SBF2: variants seen among roughly 807,000 people sequenced by gnomAD.
SBF2 encodes the protein SET binding factor 2.
Under a neutral mutation model 225.2 loss-of-function variants are expected in SBF2, and 112 were observed. The observed-to-expected ratio is 0.50, with a 90% CI of 0.43 to 0.58. The LOEUF (loss-of-function observed/expected upper bound fraction) is 0.58. SBF2 is among the 20% of genes least tolerant of loss of function. The pLI is 0.00. For missense variants in SBF2, 1,996 were observed against 2,206.2 expected (o/e 0.90, Z 1.91); for synonymous variants, 763 against 773.3 (o/e 0.99, Z 0.22).
At chr11:10,012,127 CT>C (rs1700336269) in intron 6 of SBF2, among the ~76,000 whole-genome samples, 1 of 152,058 alleles carries the variant, frequency 6.6e-6, no homozygotes, top group African/African-American at 2.4e-5. Flanking sequence ...TGCTGTTAAG[CT>C]CAGCTAGTGA....
chr11:10,167,134 C>A (rs188188584), intron 2 of SBF2, among the ~76,000 whole-genome samples: 241 of 152,142 alleles, frequency 1.6e-3, no homozygotes, highest in Non-Finnish European at 2.6e-3. Context: ...TTTCTCTGTC[C>A]TTCTATAAAA....
chr11:10,014,523 A>C (rs1044846321), intron 6 of SBF2, among the ~76,000 whole-genome samples: 2 of 146,472 alleles, frequency 1.4e-5, no homozygotes, highest in Admixed American at 6.7e-5. Context: ...AAAAAAAAAA[A>C]AAAAACGAAA....
At chr11:10,124,714 G>C (rs1181354244) in intron 2 of SBF2, among the ~76,000 whole-genome samples, 1 of 152,030 alleles carries the variant, frequency 6.6e-6, no homozygotes, top group Non-Finnish European at 1.5e-5. Flanking sequence ...TAAAGCACCT[G>C]GGCTTTCTCA....
rs758350532 is a variant in SBF2, at chr11:10,133,587, T to C, written c.141+60315A>G. ...ATTGCCCAGGGCCAGCAGGGCTGCC[T>C]GGCTGCTCCGAGTGCGGGGCCCACC... On this transcript the variant is annotated intron_variant, in intron 2 of 39. Coordinates refer to ENST00000256190, the MANE Select transcript of SBF2 (RefSeq NM_030962.4). Among the ~76,000 whole-genome samples, 18 of 140,070 alleles carry C rather than the reference T, an allele frequency of 1.3e-4. 2 individuals are homozygous for C. Among genetic ancestry groups the C allele is most frequent in the Middle Eastern group, 6.5e-3 (2 of 306 alleles). The allele number at this position is 140,070 out of a possible 152,430, so 91.9% of individuals were successfully genotyped here.
At chr11:9,828,764 CACATTTA>C (rs1855211183) in intron 28 of SBF2, 3 of 302,288 alleles carry the variant, frequency 9.9e-6, no homozygotes, top group African/African-American at 6.8e-5. Flanking sequence ...TTAATAAATA[CACATTTA>C]ACAAACATGT....
Position 9,780,193 on chromosome 11 carries a change from A to T in SBF2, c.*225T>A, listed in dbSNP as rs1851918479. 2 of 555,438 alleles carry T rather than the reference A, an allele frequency of 3.6e-6. No individual in the cohort carries two copies. The highest frequency in any genetic ancestry group is 3.9e-5 in the South Asian group (2 of 51,732). The allele number at this position is 555,438 out of a possible 1,614,324, so 34.4% of individuals were successfully genotyped here. ...TTAACCACTAAGACCCTGTTAGAAA[A>T]ATTTAGTGCAAGATACAGGGAGTGC... On this transcript the variant is annotated 3_prime_UTR_variant, in exon 40 of 40. Coordinates refer to ENST00000256190, the MANE Select transcript of SBF2 (RefSeq NM_030962.4).
chr11:9,843,059 C>T (rs1049554708), intron 24 of SBF2, among the ~76,000 whole-genome samples: 3 of 152,170 alleles, frequency 2.0e-5, no homozygotes, highest in Non-Finnish European at 4.4e-5. Context: ...TTTAGCTTGT[C>T]GGGGAGGACT....
chr11:9,967,979 A>C (rs1476289570), intron 14 of SBF2, among the ~76,000 whole-genome samples: 49 of 109,402 alleles, frequency 4.5e-4, no homozygotes, highest in South Asian at 1.4e-3. Context: ...CTCTATATAT[A>C]TATATATATA....
intron 1 of SBF2, among the ~76,000 whole-genome samples, chr11:10,279,647 TG>T (rs774718987): frequency 6.6e-6 from 1 of 152,086 alleles, no homozygotes; most frequent in Non-Finnish European, 1.5e-5. Context: ...ATCAGTGATA[TG>T]TTTTTTTGTG....
intron 1 of SBF2, among the ~76,000 whole-genome samples, chr11:10,279,895 C>T (rs997853171): frequency 1.3e-5 from 2 of 151,902 alleles, no homozygotes; most frequent in African/African-American, 4.8e-5. Flanking sequence ...ATGATCCGCC[C>T]ACCTCGGCCT....
chr11:9,800,477 G>A (rs1258000511), intron 32 of SBF2, among the ~76,000 whole-genome samples: 1 of 151,930 alleles, frequency 6.6e-6, no homozygotes, highest in Non-Finnish European at 1.5e-5. Flanking sequence ...CGCAGTCTCG[G>A]CTCACTGCAA....
chr11:9,916,560 T>C (rs1198500370), intron 16 of SBF2, among the ~76,000 whole-genome samples: 1 of 151,784 alleles, frequency 6.6e-6, no homozygotes, highest in African/African-American at 2.4e-5. Flanking sequence ...TAAGAAACAA[T>C]GTGCAAGTCC....
intron 13 of SBF2, among the ~76,000 whole-genome samples, chr11:9,973,336 G>A (rs558586197): frequency 3.9e-5 from 6 of 152,164 alleles, no homozygotes; most frequent in Non-Finnish European, 7.3e-5. Context: ...AAGGAAATCC[G>A]TTATTTTCCG....
intron 2 of SBF2, among the ~76,000 whole-genome samples, chr11:10,088,593 TGA>T (rs1162912771): frequency 2.6e-5 from 4 of 152,204 alleles, no homozygotes; most frequent in Admixed American, 2.0e-4. Context: ...GACTACATGA[TGA>T]GAGAGAAAGC....
At chr11:9,850,839 G>GA (rs1200428855) in intron 21 of SBF2, among the ~76,000 whole-genome samples, 3 of 152,120 alleles carry the variant, frequency 2.0e-5, no homozygotes, top group Non-Finnish European at 4.4e-5. Flanking sequence ...TGTTAACATG[G>GA]AAAAATATCC....
At chr11:9,791,383 T>A (rs975504977) in intron 33 of SBF2, 1 of 141,958 alleles carries the variant, frequency 7.0e-6, no homozygotes, top group African/African-American at 2.7e-5. Flanking sequence ...TGGAATGAAG[T>A]GACATAGTCA....
rs1024505377 is a variant in SBF2, at chr11:10,177,879, T to C, written c.141+16023A>G. Among the ~76,000 whole-genome samples, 34 of 149,938 alleles carry C rather than the reference T, an allele frequency of 2.3e-4. 1 individual carries two copies. Among genetic ancestry groups the C allele is most frequent in the South Asian group, 2.1e-3 (10 of 4,788 alleles). On this transcript the variant is annotated intron_variant, in intron 2 of 39. Transcript: ENST00000256190. Reference sequence around the variant, plus strand: ...TATGGAACCAAAAAAGAGCCTGCATTGCCAAGACAATCCTAAGCCAAAAGA... The same window carrying C: ...TATGGAACCAAAAAAGAGCCTGCATCGCCAAGACAATCCTAAGCCAAAAGA...
intron 2 of SBF2, among the ~76,000 whole-genome samples, chr11:10,161,857 T>A (rs963121692): frequency 6.6e-6 from 1 of 151,600 alleles, no homozygotes. Flanking sequence ...TGGTGGCACA[T>A]ATCTCTAGTC....
intron 17 of SBF2, among the ~76,000 whole-genome samples, chr11:9,887,350 T>C (rs1198354164): frequency 2.0e-5 from 3 of 152,196 alleles, no homozygotes; most frequent in African/African-American, 7.2e-5. Flanking sequence ...GTTTAAATAG[T>C]ATATATAAAC....
Sources: gnomAD v4.1 joint callset for allele counts (sites outside exome capture counted in the v4.1 genomes callset) on GRCh38, gnomAD v4.1.1 for gene constraint, MANE v1.5 for transcripts, NCBI Gene and HGNC (gene_info 2026-07-23, HGNC 2026-07-21) for gene names.